Variants in WDR70 observed in about 807,000 individuals in gnomAD.
The protein encoded by WDR70 is WD repeat-containing protein 70.
A neutral mutation model predicts 88.6 loss-of-function variants in WDR70; 53 were observed. The ratio of observed to expected loss-of-function variants is 0.60; its 90% CI spans 0.48 to 0.75. The LOEUF (loss-of-function observed/expected upper bound fraction) is 0.75. Ranked by LOEUF, WDR70 falls within the 30% of genes least tolerant of loss-of-function variation. WDR70 has a pLI of 0.00. For synonymous variants in WDR70, 280 were observed against 270.0 expected (o/e 1.04, Z -0.36); for missense variants, 610 against 823.2 (o/e 0.74, Z 3.17).
chr5:37,417,278 C>G (rs1475414436), intron 5 of WDR70, among the ~76,000 whole-genome samples: 1 of 152,124 alleles, frequency 6.6e-6, no homozygotes, highest in Non-Finnish European at 1.5e-5. Flanking sequence ...GACTAGAGTG[C>G]AGTGGCATGC....
intron 8 of WDR70, among the ~76,000 whole-genome samples, chr5:37,485,774 C>T (rs189982981): frequency 6.6e-6 from 1 of 151,726 alleles, no homozygotes; most frequent in African/African-American, 2.4e-5. Context: ...TCACTGCAAC[C>T]TCTGCCTCTT....
intron 3 of WDR70, among the ~76,000 whole-genome samples, chr5:37,390,865 C>A (rs192569142): frequency 6.6e-6 from 1 of 151,970 alleles, no homozygotes; most frequent in African/African-American, 2.4e-5. Flanking sequence ...TAAAGGCATG[C>A]GCTACCACGC....
intron 10 of WDR70, among the ~76,000 whole-genome samples, chr5:37,650,350 G>A (rs1164990331): frequency 2.0e-5 from 3 of 151,916 alleles, no homozygotes; most frequent in Non-Finnish European, 2.9e-5. Flanking sequence ...GCAGTTAGCC[G>A]AGATCACGCT....
At chr5:37,654,872 G>A (rs1745505651) in intron 10 of WDR70, among the ~76,000 whole-genome samples, 1 of 152,188 alleles carries the variant, frequency 6.6e-6, no homozygotes, top group Non-Finnish European at 1.5e-5. Context: ...CCTGAATACA[G>A]CACACTGATG....
chr5:37,604,921 G>GCATGT (rs1255789300), intron 9 of WDR70, 143 bp from the exon 10 acceptor site: 1 of 662,318 alleles, frequency 1.5e-6, no homozygotes, highest in African/African-American at 1.9e-5. Context: ...CTTTTACAGT[G>GCATGT]CATGTCTTAT....
chr5:37,445,887 G>C (rs1316174369), intron 7 of WDR70, among the ~76,000 whole-genome samples: 1 of 152,106 alleles, frequency 6.6e-6, no homozygotes, highest in Non-Finnish European at 1.5e-5. Flanking sequence ...CACAAGACAG[G>C]GATGCCCTCT....
intron 10 of WDR70, among the ~76,000 whole-genome samples, chr5:37,637,410 A>G (rs951881656): frequency 6.6e-5 from 10 of 152,040 alleles, no homozygotes; most frequent in African/African-American, 2.4e-4. Flanking sequence ...AATCTTAAAC[A>G]TGTTTTTGAA....
chr5:37,752,745 T>G lies in WDR70; in HGVS notation c.*172T>G. Reference sequence around the variant, plus strand: ...AGGCTTCACTAAAATTGTGCTTAAATTTTCTTACCTGCAACTATTAAACTG... The same window carrying G: ...AGGCTTCACTAAAATTGTGCTTAAAGTTTCTTACCTGCAACTATTAAACTG... On this transcript the variant is annotated 3_prime_UTR_variant, in exon 18 of 18. Transcript: ENST00000265107. 1.8e-6 allele frequency: 1 copy of G among 552,780 alleles called. No homozygotes were observed. Among genetic ancestry groups the G allele is most frequent in the Non-Finnish European group, 3.2e-6 (1 of 315,192 alleles). The allele number at this position is 552,780 out of a possible 1,614,324, so 34.2% of individuals were successfully genotyped here.
chr5:37,509,775 C>T (rs375659901), intron 8 of WDR70, among the ~76,000 whole-genome samples: 1 of 150,726 alleles, frequency 6.6e-6, no homozygotes, highest in Non-Finnish European at 1.5e-5. Flanking sequence ...CTTCACTGAG[C>T]AGCCCTATAG....
chr5:37,431,967 T>G (rs537589996), intron 5 of WDR70, among the ~76,000 whole-genome samples: 1 of 152,250 alleles, frequency 6.6e-6, no homozygotes, highest in African/African-American at 2.4e-5. Context: ...CAGTGGATAC[T>G]TGGGTTGCTT....
chr5:37,668,709 G>A (rs1341180035), intron 10 of WDR70, among the ~76,000 whole-genome samples: 2 of 152,186 alleles, frequency 1.3e-5, no homozygotes, highest in Non-Finnish European at 2.9e-5. Flanking sequence ...GCTTTCTCCC[G>A]CAGCTGCAGC....
At chr5:37,468,898 G>A (rs1739243028) in intron 7 of WDR70, among the ~76,000 whole-genome samples, 1 of 152,194 alleles carries the variant, frequency 6.6e-6, no homozygotes. Flanking sequence ...CAAAGGTGAT[G>A]TGCAAATACT....
At chr5:37,634,164 T>G (rs1744895606) in intron 10 of WDR70, among the ~76,000 whole-genome samples, 1 of 151,844 alleles carries the variant, frequency 6.6e-6, no homozygotes, top group South Asian at 2.1e-4. Context: ...CTGGACGTGG[T>G]GGCAGGTGCC....
rs1307710990 is a variant in WDR70, at chr5:37,752,632, T to C, written c.*59T>C. On this transcript the variant is annotated 3_prime_UTR_variant, in exon 18 of 18. Transcript: ENST00000265107. ...GAGGGGTATGGGACAGGTTTGGGTTTTTTTTTTATGCTCATGAAATTAAAA... is the reference window on the plus strand; with the variant it reads ...GAGGGGTATGGGACAGGTTTGGGTTCTTTTTTTATGCTCATGAAATTAAAA... 3 of 1,213,612 alleles carry C rather than the reference T, an allele frequency of 2.5e-6. No individual in the cohort carries two copies. The highest frequency in any genetic ancestry group is 3.5e-6 in the Non-Finnish European group (3 of 855,692). The allele number at this position is 1,213,612 out of a possible 1,614,324, so 75.2% of individuals were successfully genotyped here.
rs373119130 is a variant in WDR70, at chr5:37,427,697, GCCAACCTGA to G, written c.493-10224_493-10216del. 5.3e-3 allele frequency among the ~76,000 whole-genome samples: 811 copies of G among 151,976 alleles called. 10 individuals are homozygous for G. The highest frequency in any genetic ancestry group is 0.019 in the African/African-American group (773 of 41,454). ...AGGTCAGGAGTTCGAGACCAGCCTG[GCCAACCTGA>G]TGAAACTCCGTCTCTGCTAAAAATA... On this transcript the variant is annotated intron_variant, in intron 5 of 17. Coordinates refer to ENST00000265107, the MANE Select transcript of WDR70 (RefSeq NM_018034.4).
At chr5:37,709,667 G>C (rs1481496832) in intron 13 of WDR70, among the ~76,000 whole-genome samples, 2 of 152,158 alleles carry the variant, frequency 1.3e-5, no homozygotes, top group African/African-American at 2.4e-5. Flanking sequence ...CCAACTTCTA[G>C]CATGGCTTAT....
chr5:37,662,285 C>T (rs2176476), intron 10 of WDR70, among the ~76,000 whole-genome samples: 1 of 152,156 alleles, frequency 6.6e-6, no homozygotes. Flanking sequence ...AGAGAAGATT[C>T]TGAGCTTGTG....
chr5:37,441,568 C>G (rs1486107337), intron 6 of WDR70, among the ~76,000 whole-genome samples: 1 of 151,998 alleles, frequency 6.6e-6, no homozygotes, highest in Admixed American at 6.6e-5. Context: ...ACTTCTAATC[C>G]CAGCTTTGCG....
At chr5:37,456,989 G>T (rs1178469262) in intron 7 of WDR70, among the ~76,000 whole-genome samples, 1 of 152,218 alleles carries the variant, frequency 6.6e-6, no homozygotes, top group Non-Finnish European at 1.5e-5. Flanking sequence ...GAGGTACTAT[G>T]TATTACCTGT....
Sources: gnomAD v4.1 joint callset for allele counts (sites outside exome capture counted in the v4.1 genomes callset) on GRCh38, gnomAD v4.1.1 for gene constraint, MANE v1.5 for transcripts, NCBI Gene and HGNC (gene_info 2026-07-23, HGNC 2026-07-21) for gene names.